Variants in CTNND2 observed in about 807,000 individuals in gnomAD.
CTNND2 encodes the protein catenin delta 2.
Under a neutral mutation model 144.4 loss-of-function variants are expected in CTNND2, and 22 were observed. That is an observed-to-expected ratio of 0.15 (90% CI 0.11 to 0.22). The LOEUF (loss-of-function observed/expected upper bound fraction) is 0.22, where lower values mean the gene tolerates loss of function less well. Among genes scored for constraint, CTNND2 ranks in the 10% least tolerant of loss-of-function variants. CTNND2 has a pLI of 1.00. For synonymous variants in CTNND2, 751 were observed against 695.6 expected (o/e 1.08, Z -1.25); for missense variants, 1,353 against 1,618.8 (o/e 0.84, Z 2.82).
At chr5:11,191,528 C>T (rs1442840608) in intron 11 of CTNND2, among the ~76,000 whole-genome samples, 1 of 152,182 alleles carries the variant, frequency 6.6e-6, no homozygotes, top group Non-Finnish European at 1.5e-5. Context: ...CCAGGATTTC[C>T]CTCCCTGCTT....
At chr5:11,732,962 G>A (rs1787475854) in intron 1 of CTNND2, among the ~76,000 whole-genome samples, 1 of 152,086 alleles carries the variant, frequency 6.6e-6, no homozygotes. Flanking sequence ...CAGAGGACTG[G>A]GTTCGTAGAG....
At chr5:11,213,773 G>C (rs1461842399) in intron 10 of CTNND2, among the ~76,000 whole-genome samples, 1 of 151,938 alleles carries the variant, frequency 6.6e-6, no homozygotes. Flanking sequence ...GCAGTTTGGG[G>C]GTTAGTACTG....
intron 10 of CTNND2, among the ~76,000 whole-genome samples, chr5:11,214,994 G>A (rs1472689384): frequency 6.6e-6 from 1 of 152,196 alleles, no homozygotes; most frequent in African/African-American, 2.4e-5. Context: ...AGAGATGTCA[G>A]TGCTGTGAGA....
chr5:11,578,795 GCAGAGGCAATA>G (rs1251416047), intron 2 of CTNND2, among the ~76,000 whole-genome samples: 2 of 152,198 alleles, frequency 1.3e-5, no homozygotes, highest in Non-Finnish European at 2.9e-5. Flanking sequence ...TAGTGGGATA[GCAGAGGCAATA>G]CAGAGATAGC....
At chr5:11,825,159 C>G (rs1372788992) in intron 1 of CTNND2, among the ~76,000 whole-genome samples, 1 of 151,950 alleles carries the variant, frequency 6.6e-6, no homozygotes, top group African/African-American at 2.4e-5. Context: ...AGAAATGATG[C>G]AAGTATTGAA....
intron 14 of CTNND2, among the ~76,000 whole-genome samples, chr5:11,102,034 G>A (rs2973506): frequency 0.07 from 10,599 of 151,862 alleles, 1,218 homozygotes; most frequent in African/African-American, 0.24. Flanking sequence ...CTTTTTTGCT[G>A]GGTTTCATCT....
In CTNND2 at chr5:11,249,905, A is replaced by C. The variant is rs570398487; in HGVS notation, c.1629-13082T>G. Among the ~76,000 whole-genome samples the C allele has an allele frequency of 2.6e-5, 4 of 152,190 alleles. No individual in the cohort carries two copies. In the South Asian group the frequency reaches 8.3e-4, roughly 32 times the overall value. On this transcript the variant is annotated intron_variant, in intron 9 of 21. Coordinates refer to ENST00000304623, the MANE Select transcript of CTNND2 (RefSeq NM_001332.4). Reference sequence around the variant, plus strand: ...TGTGTATTGCTTCACTTTGTCCTTAAAGAAATCCTAAAGAACATATGAATA... The same window carrying C: ...TGTGTATTGCTTCACTTTGTCCTTACAGAAATCCTAAAGAACATATGAATA...
intron 9 of CTNND2, among the ~76,000 whole-genome samples, chr5:11,276,896 C>A (rs1332742018): frequency 1.3e-5 from 2 of 152,126 alleles, no homozygotes; most frequent in African/African-American, 4.8e-5. Flanking sequence ...CTAAAAGAAC[C>A]CAGAAAGGAT....
At chr5:11,120,975 C>T (rs559684261) in intron 12 of CTNND2, among the ~76,000 whole-genome samples, 1 of 152,166 alleles carries the variant, frequency 6.6e-6, no homozygotes, top group Non-Finnish European at 1.5e-5. Context: ...CCTGTTCCTC[C>T]GTCTTCCCCA....
At chr5:11,205,757 T>A (rs1580584189) in intron 10 of CTNND2, among the ~76,000 whole-genome samples, 1 of 152,308 alleles carries the variant, frequency 6.6e-6, no homozygotes, top group East Asian at 1.9e-4. Context: ...TTTTTGAGAA[T>A]CTCTCTCCTT....
At chr5:11,718,381 T>C (rs559702377) in intron 2 of CTNND2, among the ~76,000 whole-genome samples, 8 of 152,334 alleles carry the variant, frequency 5.3e-5, no homozygotes, top group Middle Eastern at 3.4e-3. Context: ...TGGTCATCTG[T>C]GGCTCTGAGC....
At chr5:11,150,353 G>A (rs986929055) in intron 12 of CTNND2, among the ~76,000 whole-genome samples, 15 of 152,172 alleles carry the variant, frequency 9.9e-5, no homozygotes, top group African/African-American at 2.2e-4. Flanking sequence ...GGACAAAGTC[G>A]TTATCCTAGG....
chr5:11,132,404 G>A (rs1029215591), intron 12 of CTNND2, among the ~76,000 whole-genome samples: 4 of 152,126 alleles, frequency 2.6e-5, no homozygotes, highest in African/African-American at 9.7e-5. Flanking sequence ...TGAGGACTTT[G>A]GGAGATGATT....
intron 1 of CTNND2, among the ~76,000 whole-genome samples, chr5:11,748,771 A>G (rs4702816): frequency 0.98 from 148,802 of 152,092 alleles, 72,865 homozygotes; most frequent in East Asian, 1. Context: ...TGAGTTTGGG[A>G]GTATGTGATA....
intron 2 of CTNND2, among the ~76,000 whole-genome samples, chr5:11,696,063 C>T (rs1273901066): frequency 1.3e-5 from 2 of 152,114 alleles, no homozygotes; most frequent in Non-Finnish European, 2.9e-5. Flanking sequence ...TGTGATATTG[C>T]CATGCAATTA....
chr5:10,973,305 T>G lies in CTNND2; in HGVS notation c.*148A>C, dbSNP rs1736025461. ...GATTCATTTAGCTTTCTAAAATAGC[T>G]CTTAATATTTCCTTACTGGTTATCA... On this transcript the variant is annotated 3_prime_UTR_variant, in exon 22 of 22. Transcript: ENST00000304623. The surrounding 1 kb of genome is among the most constrained non-coding windows in gnomAD (Gnocchi z 5.6). 1 of 802,104 alleles carries G rather than the reference T, an allele frequency of 1.2e-6. No individual in the cohort carries two copies. The highest frequency in any genetic ancestry group is 1.7e-5 in the African/African-American group (1 of 57,230). 49.7% of individuals were successfully genotyped at this position (802,104 alleles called of 1,614,324 possible). A position where few individuals can be genotyped will look rare whatever the true frequency, so the allele number is the denominator to read the frequency against.
At chr5:11,569,648 A>G (rs1777405023) in intron 2 of CTNND2, among the ~76,000 whole-genome samples, 1 of 152,100 alleles carries the variant, frequency 6.6e-6, no homozygotes, top group African/African-American at 2.4e-5. Flanking sequence ...ATGTTACTTA[A>G]CTTTGTGGTA....
At chr5:11,698,011 A>G (rs1485324793) in intron 2 of CTNND2, among the ~76,000 whole-genome samples, 1 of 152,176 alleles carries the variant, frequency 6.6e-6, no homozygotes, top group East Asian at 1.9e-4. Flanking sequence ...GGCAGAAAGT[A>G]GGAGAGTTAC....
rs1735939824 is a variant in CTNND2, at chr5:10,972,439, A to G, written c.*1014T>C. 1 of 152,334 alleles carries G rather than the reference A, an allele frequency of 6.6e-6. No homozygotes were observed. Among genetic ancestry groups the G allele is most frequent in the Admixed American group, 6.5e-5 (1 of 15,294 alleles). 9.4% of individuals were successfully genotyped at this position (152,334 alleles called of 1,614,324 possible). ...CAGGTAATTTTTCTAGTACGTGGAC[A>G]TACATACACCCACACACACAGACAC... is the stretch of plus-strand genomic sequence containing the variant. On this transcript the variant is annotated 3_prime_UTR_variant, in exon 22 of 22. Transcript: ENST00000304623.
Sources: allele counts gnomAD v4.1 joint callset (sites outside exome capture counted in the v4.1 genomes callset), GRCh38; gene constraint gnomAD v4.1.1; non-coding constraint Gnocchi (gnomAD v3.1); transcripts MANE v1.5; gene names NCBI Gene and HGNC (gene_info 2026-07-23, HGNC 2026-07-21).